The following JADE2 variants were observed in gnomAD, a reference collection of about 807,000 sequenced individuals.
JADE2 encodes jade family PHD finger 2.
A neutral mutation model predicts 85.7 loss-of-function variants in JADE2; 13 were observed. The observed-to-expected ratio is 0.15, with a 90% CI of 0.10 to 0.24. JADE2 has a LOEUF of 0.24. Ranked by LOEUF, JADE2 falls within the 10% of genes least tolerant of loss-of-function variation. JADE2 has a pLI of 1.00. For missense variants in JADE2, 846 were observed against 1,115.9 expected, an observed-to-expected ratio of 0.76 and a Z score of 3.45; for synonymous variants, 440 against 456.1, an observed-to-expected ratio of 0.96 and a Z score of 0.45.
chr5:134,532,810 G>C (rs1041888157), intron 1 of JADE2, among the ~76,000 whole-genome samples: 3 of 152,168 alleles, frequency 2.0e-5, no homozygotes, highest in Non-Finnish European at 4.4e-5. Context: ...GACATAGTGC[G>C]GTCCCAGGCC....
Position 134,554,590 on chromosome 5 carries a change from C to T in JADE2, c.311+2381C>T, listed in dbSNP as rs372284631. On this transcript the variant is annotated intron_variant, in intron 4 of 11. Coordinates refer to ENST00000681547, the MANE Select transcript of JADE2 (RefSeq NM_001388185.1). ...GACATCAAGAGGAGGGCACGTGTTCCGGCTGCTTTGACTTTACGAGGTGCA... is the reference window on the plus strand; with the variant it reads ...GACATCAAGAGGAGGGCACGTGTTCTGGCTGCTTTGACTTTACGAGGTGCA... Among the ~76,000 whole-genome samples the T allele has an allele frequency of 7.2e-4, 109 of 152,316 alleles. 6 individuals are homozygous for T. The South Asian group carries it at 0.022, about 30-fold the overall frequency.
At chr5:134,553,556 G>A (rs533848613) in intron 4 of JADE2, among the ~76,000 whole-genome samples, 20 of 152,176 alleles carry the variant, frequency 1.3e-4, no homozygotes, top group Admixed American at 9.8e-4. Context: ...GTTTCCCCAT[G>A]TTAGCCAGGC....
At position 134,582,044 on chromosome 5, in the gene JADE2, C is replaced by T. The variant is rs1312201265; in HGVS notation, c.*2727C>T. On this transcript the variant is annotated 3_prime_UTR_variant, in exon 12 of 12. Transcript: ENST00000681547. ...TGGAGGTAGATCTTTCTCTCAACCA[C>T]ATCTGCCTCCACACACAGCTCCTCC... The T allele has an allele frequency of 6.6e-6, 1 of 152,202 alleles. No individual in the cohort carries two copies. Among genetic ancestry groups the T allele is most frequent in the African/African-American group, 2.4e-5 (1 of 41,424 alleles). 9.4% of individuals were successfully genotyped at this position (152,202 alleles called of 1,614,324 possible).
intron 9 of JADE2, among the ~76,000 whole-genome samples, chr5:134,569,567 T>G (rs1763866761): frequency 6.6e-6 from 1 of 152,226 alleles, no homozygotes; most frequent in South Asian, 2.1e-4. Context: ...GCAACCGTGC[T>G]GACAAGCAGG....
At chr5:134,573,540 G>C in intron 9 of JADE2, 105 bp from the exon 10 acceptor site, 1 of 790,340 alleles carries the variant, frequency 1.3e-6, no homozygotes, top group South Asian at 1.4e-5. Flanking sequence ...TGTGGCGGTA[G>C]CCTGTGCCCC....
chr5:134,563,839 T>A (rs1763476227), intron 7 of JADE2, among the ~76,000 whole-genome samples: 1 of 152,110 alleles, frequency 6.6e-6, no homozygotes, highest in Non-Finnish European at 1.5e-5. Context: ...TCAGGACCTT[T>A]GGAGAGAATT....
chr5:134,579,964 T>TGA lies in JADE2; in HGVS notation c.*648_*649insAG, dbSNP rs1235290095. ...ACCCTGCCACCCTCCCCTCCCTTGCTGCTCTGCCCCTGCCAGTGCCCAGCC... is the reference window on the plus strand; with the variant it reads ...ACCCTGCCACCCTCCCCTCCCTTGCTGAGCTCTGCCCCTGCCAGTGCCCAGCC... On this transcript the variant is annotated 3_prime_UTR_variant, in exon 12 of 12. Transcript: ENST00000681547. The surrounding 1 kb of genome is among the most constrained non-coding windows in gnomAD (Gnocchi z 4.6). 1 of 153,022 alleles carries TGA rather than the reference T, an allele frequency of 6.5e-6. No homozygotes were observed. The highest frequency in any genetic ancestry group is 1.5e-5 in the Non-Finnish European group (1 of 68,306). 9.5% of individuals were successfully genotyped at this position (153,022 alleles called of 1,614,324 possible).
At chr5:134,537,643 C>G (rs1486052797) in intron 2 of JADE2, among the ~76,000 whole-genome samples, 2 of 152,174 alleles carry the variant, frequency 1.3e-5, no homozygotes, top group African/African-American at 2.4e-5. Context: ...AGTACCTAAC[C>G]TGGGGCAGGG....
At chr5:134,568,241 G>A (rs1030879487) in intron 9 of JADE2, among the ~76,000 whole-genome samples, 2 of 152,204 alleles carry the variant, frequency 1.3e-5, no homozygotes, top group East Asian at 3.9e-4. Context: ...AGCAGATGAG[G>A]AAACTGGGGC....
intron 1 of JADE2, chr5:134,526,585 A>G (rs1217059013): frequency 1.0e-6 from 1 of 985,254 alleles, no homozygotes; most frequent in Non-Finnish European, 1.2e-6. Context: ...GCTCACGTGC[A>G]GCCGGTCCGG....
chr5:134,546,694 G>A (rs148201850), intron 3 of JADE2, among the ~76,000 whole-genome samples: 2,502 of 151,212 alleles, frequency 0.017, 66 homozygotes, highest in African/African-American at 0.053. Context: ...CTGGAACCTG[G>A]GAGGCGGAGG....
At chr5:134,525,643 C>A, upstream of JADE2, 3 of 874,186 alleles carry the variant, frequency 3.4e-6, no homozygotes, top group Non-Finnish European at 4.6e-6. Context: ...AAAGAGATCA[C>A]AAGGAAGTCT....
At chr5:134,576,989 G>A (rs1764409595) in intron 11 of JADE2, 93 bp downstream of exon 11, 1 of 1,409,284 alleles carries the variant, frequency 7.1e-7, no homozygotes, top group Admixed American at 2.7e-5. Flanking sequence ...CAGCTGCACA[G>A]AGTAGGAGAC....
chr5:134,558,987 AGAGCT>A (rs1379287395), intron 4 of JADE2, among the ~76,000 whole-genome samples: 11 of 152,214 alleles, frequency 7.2e-5, no homozygotes, highest in African/African-American at 2.7e-4. Flanking sequence ...CCTCAGCGGC[AGAGCT>A]GTGGCCACAA....
chr5:134,535,775 A>G, intron 1 of JADE2, 83 bp from the exon 2 acceptor site: 1 of 1,087,682 alleles, frequency 9.2e-7, no homozygotes, highest in East Asian at 2.4e-5. Context: ...AAGTGTGGGG[A>G]GGTTGGTTAT....
At chr5:134,556,496 A>C (rs1223066694) in intron 4 of JADE2, among the ~76,000 whole-genome samples, 1 of 123,600 alleles carries the variant, frequency 8.1e-6, no homozygotes, top group South Asian at 2.7e-4. Flanking sequence ...CACATACCAC[A>C]TGCACACACA....
upstream of JADE2, chr5:134,525,632 TA>T (rs1360099774): frequency 4.2e-6 from 4 of 957,740 alleles, no homozygotes; most frequent in Non-Finnish European, 5.6e-6. Flanking sequence ...TTTTTTTTTC[TA>T]AAGAGATCAC....
chr5:134,555,483 C>CTCT (rs777498206), intron 4 of JADE2, among the ~76,000 whole-genome samples: 1 of 152,206 alleles, frequency 6.6e-6, no homozygotes, highest in African/African-American at 2.4e-5. Context: ...GAGCCAGAGC[C>CTCT]AGAAGGGGGC....
chr5:134,552,017 T>C (rs529238234), intron 3 of JADE2, 35 bp from the exon 4 acceptor site: 1 of 1,612,710 alleles, frequency 6.2e-7, no homozygotes, highest in East Asian at 2.2e-5. Flanking sequence ...CCTGAGGCAG[T>C]CTGAAGTCAC....
Sources: allele counts gnomAD v4.1 joint callset (sites outside exome capture counted in the v4.1 genomes callset), GRCh38; gene constraint gnomAD v4.1.1; non-coding constraint Gnocchi (gnomAD v3.1); transcripts MANE v1.5; gene names NCBI Gene and HGNC (gene_info 2026-07-23, HGNC 2026-07-21).